The following TBC1D22A variants were observed in gnomAD, a reference collection of about 807,000 sequenced individuals.
TBC1D22A encodes the protein putative GTPase activator.
TBC1D22A carries 38 observed loss-of-function variants against 60.2 expected under a neutral mutation model. That is an observed-to-expected ratio of 0.63 (90% confidence interval 0.49 to 0.83). TBC1D22A has a LOEUF of 0.83. Ranked by LOEUF, TBC1D22A falls within the 40% of genes least tolerant of loss-of-function variation. The probability of loss-of-function intolerance (pLI) is 0.00; values close to 1 mark genes in which losing one functional copy is unlikely to be tolerated. For synonymous variants in TBC1D22A, 302 were observed against 281.7 expected (o/e 1.07, Z -0.72); for missense variants, 628 against 701.0 (o/e 0.90, Z 1.18).
chr22:46,817,790 G>T (rs867449805), intron 4 of TBC1D22A, among the ~76,000 whole-genome samples: 3 of 152,186 alleles, frequency 2.0e-5, no homozygotes, highest in African/African-American at 7.2e-5. Context: ...GGATTGCTGG[G>T]TCAGATAGTA....
intron 12 of TBC1D22A, among the ~76,000 whole-genome samples, chr22:47,130,001 C>T (rs1237801410): frequency 6.6e-6 from 1 of 152,226 alleles, no homozygotes; most frequent in Non-Finnish European, 1.5e-5. Flanking sequence ...CACGGCCATG[C>T]CCTCGTGCCC....
chr22:46,780,915 TTTTAGTATTTTGTTTATTG>T (rs1453938763), intron 1 of TBC1D22A, among the ~76,000 whole-genome samples: 2 of 152,182 alleles, frequency 1.3e-5, no homozygotes, highest in Admixed American at 1.3e-4. Context: ...AAGTATTGGA[TTTTAGTATTTTGTTTATTG>T]TTTTTTTAAA....
intron 8 of TBC1D22A, among the ~76,000 whole-genome samples, chr22:46,970,876 A>T (rs904768591): frequency 1.4e-4 from 22 of 151,800 alleles, no homozygotes; most frequent in Admixed American, 2.6e-4. Context: ...GTGGCCTTGG[A>T]CCTTCCCAGG....
chr22:47,059,952 A>G (rs2063513051), intron 11 of TBC1D22A, among the ~76,000 whole-genome samples: 1 of 152,212 alleles, frequency 6.6e-6, no homozygotes, highest in Non-Finnish European at 1.5e-5. Context: ...TCCAGGGTAC[A>G]GGAGGCTGCA....
chr22:46,779,543 G>A (rs1258345496), intron 1 of TBC1D22A, among the ~76,000 whole-genome samples: 1 of 152,178 alleles, frequency 6.6e-6, no homozygotes, highest in African/African-American at 2.4e-5. Flanking sequence ...ACAGACGTGA[G>A]CCACAGCGCC....
rs575602659 is a variant in TBC1D22A at position 47,038,381 on chromosome 22, C to T, written c.1329+1183C>T. ...TCTTGGCGGGAGGCTTTTTCTAAGG[C>T]GGCATAGGTCCCAGGCACTGCGTTG... On this transcript the variant is annotated intron_variant, in intron 11 of 12. Coordinates refer to ENST00000337137, the MANE Select transcript of TBC1D22A (RefSeq NM_014346.5). 6.6e-5 allele frequency among the ~76,000 whole-genome samples: 10 copies of T among 152,278 alleles called. No homozygotes were observed. In the South Asian group the frequency reaches 1.7e-3, roughly 25 times the overall value.
intron 6 of TBC1D22A, among the ~76,000 whole-genome samples, chr22:46,892,068 C>G (rs1161074988): frequency 6.6e-6 from 1 of 152,154 alleles, no homozygotes; most frequent in Admixed American, 6.5e-5. Flanking sequence ...TAGAATAGCT[C>G]TTTGAGGACT....
chr22:47,123,226 C>T (rs564913501), intron 12 of TBC1D22A, among the ~76,000 whole-genome samples: 4 of 152,238 alleles, frequency 2.6e-5, no homozygotes, highest in African/African-American at 9.6e-5. Context: ...AGCTGCTTCC[C>T]GGGTGACGCT....
chr22:46,831,053 C>T (rs556038856), intron 4 of TBC1D22A, among the ~76,000 whole-genome samples: 2 of 152,128 alleles, frequency 1.3e-5, no homozygotes, highest in South Asian at 2.1e-4. Context: ...TAAGAGGACA[C>T]GAGAGGAAGA....
chr22:46,910,632 G>A (rs1402392328), intron 7 of TBC1D22A, among the ~76,000 whole-genome samples: 1 of 152,192 alleles, frequency 6.6e-6, no homozygotes. Context: ...CAGTGACCCA[G>A]TGGAGAGGAG....
chr22:47,023,068 A>G lies in TBC1D22A; in HGVS notation c.1202-14003A>G, dbSNP rs2062142741. Among the ~76,000 whole-genome samples the G allele has an allele frequency of 2.0e-5, 3 of 152,368 alleles. No homozygotes were observed. In the South Asian group the frequency reaches 6.2e-4, roughly 32 times the overall value. On this transcript the variant is annotated intron_variant, in intron 10 of 12. Coordinates refer to ENST00000337137, the MANE Select transcript of TBC1D22A (RefSeq NM_014346.5). ...CATAACTGACCCAGAAATGGTACAG[A>G]TGTTAGACTCGTTAGTTAGGCAGAG... is the stretch of plus-strand genomic sequence containing the variant.
rs78195210 is a variant in TBC1D22A, at chr22:46,953,618, A to G, written c.1016-20672A>G. ...ACATTTCACTTTGTTTTTGAAACAT[A>G]TTTTTACTGGGTACAGAATCCTGGG... On this transcript the variant is annotated intron_variant, in intron 8 of 12. Transcript: ENST00000337137. Among the ~76,000 whole-genome samples the G allele has an allele frequency of 5.9e-3, 899 of 152,134 alleles. 4 individuals carry two copies. Among genetic ancestry groups the G allele is most frequent in the South Asian group, 0.011 (52 of 4,814 alleles).
chr22:47,061,264 C>T (rs1315436521), intron 11 of TBC1D22A, among the ~76,000 whole-genome samples: 4 of 152,140 alleles, frequency 2.6e-5, no homozygotes, highest in Admixed American at 1.3e-4. Flanking sequence ...CCCTCACCAC[C>T]GTTCTCTGTA....
intron 8 of TBC1D22A, chr22:46,913,342 G>C: frequency 7.3e-7 from 1 of 1,366,440 alleles, no homozygotes; most frequent in Non-Finnish European, 9.8e-7. Flanking sequence ...AGCCTTTCCA[G>C]GTTGTGGTCG....
chr22:46,975,304 G>A (rs2074253039), intron 9 of TBC1D22A, among the ~76,000 whole-genome samples: 1 of 152,118 alleles, frequency 6.6e-6, no homozygotes, highest in African/African-American at 2.4e-5. Context: ...GGGGACAGAA[G>A]GCACTCGACC....
At chr22:46,852,450 T>C (rs2147286759) in intron 4 of TBC1D22A, among the ~76,000 whole-genome samples, 1 of 152,322 alleles carries the variant, frequency 6.6e-6, no homozygotes, top group African/African-American at 2.4e-5. Context: ...GAGCACAAGC[T>C]TATGAGACTT....
At chr22:47,126,893 G>A (rs978262124) in intron 12 of TBC1D22A, among the ~76,000 whole-genome samples, 3 of 152,344 alleles carry the variant, frequency 2.0e-5, no homozygotes, top group Non-Finnish European at 4.4e-5. Flanking sequence ...AGATGGCAGC[G>A]TCTGGCTCAC....
chr22:46,871,504 A>G (rs2067293178), intron 4 of TBC1D22A, among the ~76,000 whole-genome samples: 1 of 152,234 alleles, frequency 6.6e-6, no homozygotes, highest in South Asian at 2.1e-4. Flanking sequence ...AATACCACCA[A>G]ATTCATCTGA....
rs1601771350 is a variant in TBC1D22A at position 47,173,794 on chromosome 22, G to A, written c.*168G>A. ...TGGGCCACAGACCTGGTCTAGGGCT[G>A]ACAAAGACAGGGACAGCCTTTGTTT... On this transcript the variant is annotated 3_prime_UTR_variant, in exon 13 of 13. Coordinates refer to ENST00000337137, the MANE Select transcript of TBC1D22A (RefSeq NM_014346.5). The A allele has an allele frequency of 1.9e-6, 2 of 1,066,778 alleles. No homozygotes were observed. The highest frequency in any genetic ancestry group is 2.6e-5 in the East Asian group (1 of 38,710). The allele number at this position is 1,066,778 out of a possible 1,614,324, so 66.1% of individuals were successfully genotyped here.
Sources: allele counts gnomAD v4.1 joint callset (sites outside exome capture counted in the v4.1 genomes callset), GRCh38; gene constraint gnomAD v4.1.1; transcripts MANE v1.5; gene names NCBI Gene and HGNC (gene_info 2026-07-23, HGNC 2026-07-21).